LRP1B: variants seen among roughly 807,000 people sequenced by gnomAD.
LRP1B encodes LDL receptor related protein 1B.
In LRP1B, 217 loss-of-function variants were observed where a neutral mutation model predicts 556.6. The ratio of observed to expected loss-of-function variants is 0.39; its 90% CI spans 0.35 to 0.44. The LOEUF (loss-of-function observed/expected upper bound fraction) is 0.44, where lower values mean the gene tolerates loss of function less well. LRP1B is among the 20% of genes least tolerant of loss of function. The pLI, the probability that LRP1B is intolerant of heterozygous loss-of-function variation, is 1.00. For synonymous variants in LRP1B, 2,047 were observed against 1,865.8 expected, an observed-to-expected ratio of 1.10 and a Z score of -2.50; for missense variants, 5,053 against 5,620.8, an observed-to-expected ratio of 0.90 and a Z score of 3.23.
intron 3 of LRP1B, among the ~76,000 whole-genome samples, chr2:141,406,547 C>CATCTATCTATCTATCT (rs71982875): frequency 2.0e-5 from 3 of 149,206 alleles, no homozygotes; most frequent in Admixed American, 1.3e-4. Flanking sequence ...ATCTATCTAT[C>CATCTATCTATCTATCT]ATCTATCTAT....
At chr2:140,477,248 C>G (rs1270839409) in intron 59 of LRP1B, among the ~76,000 whole-genome samples, 1 of 152,026 alleles carries the variant, frequency 6.6e-6, no homozygotes, top group Non-Finnish European at 1.5e-5. Flanking sequence ...GGAATACTAA[C>G]ATAATACTTT....
At chr2:141,033,390 T>C (rs183025011) in intron 11 of LRP1B, among the ~76,000 whole-genome samples, 1 of 152,114 alleles carries the variant, frequency 6.6e-6, no homozygotes, top group East Asian at 1.9e-4. Context: ...CCAGACTAGA[T>C]TTAAAATTTA....
At chr2:142,059,547 T>TA (rs1704820512) in intron 1 of LRP1B, among the ~76,000 whole-genome samples, 1 of 151,852 alleles carries the variant, frequency 6.6e-6, no homozygotes, top group Non-Finnish European at 1.5e-5. Context: ...TATTGTTTTT[T>TA]TAAATATAGT....
chr2:140,735,519 C>T (rs781696793), intron 35 of LRP1B, among the ~76,000 whole-genome samples: 1 of 152,046 alleles, frequency 6.6e-6, no homozygotes, highest in Admixed American at 6.6e-5. Context: ...AAAGGCAGGT[C>T]GGCAATGCTA....
chr2:140,673,296 A>T (rs1305297114), intron 41 of LRP1B, among the ~76,000 whole-genome samples: 1 of 152,180 alleles, frequency 6.6e-6, no homozygotes, highest in African/African-American at 2.4e-5. Flanking sequence ...TATAAAGTAC[A>T]TTTGATTACA....
At chr2:141,169,372 A>G (rs1352204956) in intron 7 of LRP1B, among the ~76,000 whole-genome samples, 1 of 151,768 alleles carries the variant, frequency 6.6e-6, no homozygotes, top group East Asian at 1.9e-4. Flanking sequence ...AATAAGAAAA[A>G]ACTTCTTCCA....
At chr2:142,078,680 T>C (rs1177252037) in intron 1 of LRP1B, among the ~76,000 whole-genome samples, 3 of 152,176 alleles carry the variant, frequency 2.0e-5, no homozygotes, top group African/African-American at 7.2e-5. Flanking sequence ...TCTATTCCTA[T>C]TACCCTTTAA....
chr2:140,390,649 G>A (rs1422429020), intron 66 of LRP1B, among the ~76,000 whole-genome samples: 1 of 151,658 alleles, frequency 6.6e-6, no homozygotes, highest in African/African-American at 2.4e-5. Context: ...AATAGATGAG[G>A]GACATATCAT....
At chr2:141,777,783 G>T (rs973524880) in intron 2 of LRP1B, among the ~76,000 whole-genome samples, 2 of 151,998 alleles carry the variant, frequency 1.3e-5, no homozygotes, top group African/African-American at 4.8e-5. Flanking sequence ...AATCTTACTG[G>T]GCTATTCTTG....
At chr2:140,774,746 C>G (rs750179659) in intron 33 of LRP1B, among the ~76,000 whole-genome samples, 6 of 152,106 alleles carry the variant, frequency 3.9e-5, no homozygotes, top group Non-Finnish European at 4.4e-5. Context: ...TTCTCAATTA[C>G]GTAATCTATT....
intron 33 of LRP1B, among the ~76,000 whole-genome samples, chr2:140,773,023 T>A (rs2104943782): frequency 6.6e-6 from 1 of 152,138 alleles, no homozygotes; most frequent in East Asian, 1.9e-4. Flanking sequence ...CATTGAACCC[T>A]GGAGACAGAG....
chr2:140,985,138 A>G lies in LRP1B; in HGVS notation c.2771-2862T>C, dbSNP rs181711322. ...AGCTGCTGAATCAGAGATTTGCTGT[A>G]ATCATGCTTCTCCTATAGCCATGTA... On this transcript the variant is annotated intron_variant, in intron 17 of 90. Transcript: ENST00000389484. Among the ~76,000 whole-genome samples the G allele has an allele frequency of 9.0e-4, 137 of 152,060 alleles. 1 individual carries two copies. The highest frequency in any genetic ancestry group is 1.1e-3 in the Non-Finnish European group (75 of 67,988).
intron 84 of LRP1B, among the ~76,000 whole-genome samples, chr2:140,291,197 T>TCTTTGCATATGCTGTTCCCC (rs1455837194): frequency 1.3e-5 from 2 of 149,852 alleles, no homozygotes; most frequent in Non-Finnish European, 1.5e-5. Context: ...TGCTGTTCCC[T>TCTTTGCATATGCTGTTCCCC]CTTTGCATAT....
intron 10 of LRP1B, among the ~76,000 whole-genome samples, chr2:141,051,718 T>C (rs1699040958): frequency 6.6e-6 from 1 of 152,082 alleles, no homozygotes; most frequent in Admixed American, 6.6e-5. Context: ...TTAACACATA[T>C]GTAGTGTATT....
chr2:142,007,346 T>C (rs1044324607), intron 1 of LRP1B, among the ~76,000 whole-genome samples: 1 of 152,298 alleles, frequency 6.6e-6, no homozygotes, highest in African/African-American at 2.4e-5. Flanking sequence ...ATTGTGCCTT[T>C]AGCTAAAATT....
At chr2:140,452,369 TA>T (rs1228331752) in intron 62 of LRP1B, among the ~76,000 whole-genome samples, 2 of 152,090 alleles carry the variant, frequency 1.3e-5, no homozygotes, top group African/African-American at 2.4e-5. Context: ...CAGCTGCCAC[TA>T]AAAAAATTCA....
At chr2:141,049,854 T>C (rs1342426593) in intron 10 of LRP1B, among the ~76,000 whole-genome samples, 7 of 152,072 alleles carry the variant, frequency 4.6e-5, no homozygotes, top group African/African-American at 1.4e-4. Context: ...GTAACTCTGA[T>C]GTACAACACA....
At chr2:140,564,679 T>C (rs1681060878) in intron 43 of LRP1B, among the ~76,000 whole-genome samples, 1 of 152,094 alleles carries the variant, frequency 6.6e-6, no homozygotes, top group African/African-American at 2.4e-5. Context: ...CATCAATGGC[T>C]TTCCTCAATT....
intron 27 of LRP1B, among the ~76,000 whole-genome samples, chr2:140,855,677 T>C (rs938689191): frequency 6.6e-6 from 1 of 151,806 alleles, no homozygotes; most frequent in Non-Finnish European, 1.5e-5. Flanking sequence ...AAAGAAGTTA[T>C]CAAGGCCAGG....
Sources: allele counts gnomAD v4.1 joint callset (sites outside exome capture counted in the v4.1 genomes callset), GRCh38; gene constraint gnomAD v4.1.1; transcripts MANE v1.5; gene names NCBI Gene and HGNC (gene_info 2026-07-23, HGNC 2026-07-21).